Variants in UBAC2 observed in about 807,000 individuals in gnomAD.
The protein encoded by UBAC2 is ubiquitin-associated domain-containing protein 2.
Under a neutral mutation model 44.0 loss-of-function variants are expected in UBAC2, and 26 were observed. That is an observed-to-expected ratio of 0.59 (90% CI 0.43 to 0.82). UBAC2 has a LOEUF of 0.82. UBAC2 is among the 40% of genes least tolerant of loss of function. The probability of loss-of-function intolerance (pLI) is 0.00; values close to 1 mark genes in which losing one functional copy is unlikely to be tolerated. For missense variants in UBAC2, 329 were observed against 419.4 expected (o/e 0.78, Z 1.88); for synonymous variants, 155 against 154.3 (o/e 1.00, Z -0.04).
At chr13:99,290,474 C>T (rs2044075079) in intron 4 of UBAC2, among the ~76,000 whole-genome samples, 1 of 151,908 alleles carries the variant, frequency 6.6e-6, no homozygotes, top group Admixed American at 6.6e-5. Flanking sequence ...GCTTGTAATC[C>T]CAGCACTTTG....
At chr13:99,268,611 C>CAAA (rs756827927) in intron 4 of UBAC2, among the ~76,000 whole-genome samples, 1,868 of 75,434 alleles carry the variant, frequency 0.025, 151 homozygotes, top group African/African-American at 0.052. Flanking sequence ...GACTCTGTCT[C>CAAA]AAAAAAAAAA....
At chr13:99,227,286 G>A (rs181683545) in intron 1 of UBAC2, among the ~76,000 whole-genome samples, 13 of 152,026 alleles carry the variant, frequency 8.6e-5, no homozygotes, top group African/African-American at 2.7e-4. Context: ...TCAGGAACCC[G>A]AGACAAGGCT....
chr13:99,270,534 A>T (rs1464766500), intron 4 of UBAC2, among the ~76,000 whole-genome samples: 1 of 152,212 alleles, frequency 6.6e-6, no homozygotes, highest in Admixed American at 6.5e-5. Flanking sequence ...ACATTTCTAT[A>T]TCAATGTCCA....
intron 4 of UBAC2, among the ~76,000 whole-genome samples, chr13:99,291,429 C>A (rs1237324580): frequency 1.3e-5 from 2 of 152,040 alleles, no homozygotes; most frequent in Non-Finnish European, 2.9e-5. Flanking sequence ...ATTCTTCACC[C>A]AAATAGTCAG....
chr13:99,346,939 A>G (rs573374882), intron 7 of UBAC2, among the ~76,000 whole-genome samples: 1 of 152,276 alleles, frequency 6.6e-6, no homozygotes, highest in East Asian at 1.9e-4. Context: ...ATAGATACAG[A>G]AAGACTTTAA....
intron 4 of UBAC2, among the ~76,000 whole-genome samples, chr13:99,250,468 T>C (rs2043444512): frequency 6.6e-6 from 1 of 150,848 alleles, no homozygotes; most frequent in African/African-American, 2.4e-5. Context: ...TGTAGCCTTA[T>C]AATCTGAAGT....
chr13:99,296,068 A>T (rs1466441838), intron 4 of UBAC2: 5 of 1,614,072 alleles, frequency 3.1e-6, no homozygotes, highest in Non-Finnish European at 4.2e-6. Flanking sequence ...CCGTGCTGTG[A>T]TGTGCATAGA....
At chr13:99,282,533 A>G (rs772072027) in intron 4 of UBAC2, among the ~76,000 whole-genome samples, 10 of 152,226 alleles carry the variant, frequency 6.6e-5, no homozygotes, top group Non-Finnish European at 1.2e-4. Context: ...GAGTGTGTCA[A>G]AATTTCCAGT....
At chr13:99,206,802 A>C (rs1454485373) in intron 1 of UBAC2, among the ~76,000 whole-genome samples, 2 of 152,128 alleles carry the variant, frequency 1.3e-5, no homozygotes, top group African/African-American at 2.4e-5. Context: ...GCTCAAGGCT[A>C]TTCTCAGTCT....
chr13:99,227,564 G>A (rs2043124982), intron 1 of UBAC2, among the ~76,000 whole-genome samples: 1 of 152,254 alleles, frequency 6.6e-6, no homozygotes, highest in Non-Finnish European at 1.5e-5. Flanking sequence ...TTTGGGAAGA[G>A]ACGGGAAATA....
intron 1 of UBAC2, among the ~76,000 whole-genome samples, chr13:99,227,588 A>G (rs2043125260): frequency 6.6e-6 from 1 of 152,228 alleles, no homozygotes; most frequent in Non-Finnish European, 1.5e-5. Context: ...GGTGAATAAC[A>G]AAGCCACAGG....
chr13:99,226,683 G>A (rs1363188372), intron 1 of UBAC2, among the ~76,000 whole-genome samples: 2 of 152,170 alleles, frequency 1.3e-5, no homozygotes, highest in African/African-American at 2.4e-5. Flanking sequence ...CTTGTTTGAC[G>A]TTAGCTCCCT....
chr13:99,311,124 G>A (rs1371112011), intron 4 of UBAC2, among the ~76,000 whole-genome samples: 2 of 152,194 alleles, frequency 1.3e-5, no homozygotes, highest in African/African-American at 4.8e-5. Context: ...CTCTATGCCA[G>A]GCACAATTCT....
chr13:99,303,413 A>G (rs1272553554), intron 4 of UBAC2, among the ~76,000 whole-genome samples: 3 of 152,190 alleles, frequency 2.0e-5, no homozygotes, highest in Non-Finnish European at 1.5e-5. Flanking sequence ...CACATATTCT[A>G]GTTATTTTCT....
intron 8 of UBAC2, among the ~76,000 whole-genome samples, chr13:99,382,560 T>C (rs1303334511): frequency 6.6e-6 from 1 of 152,162 alleles, no homozygotes; most frequent in Non-Finnish European, 1.5e-5. Flanking sequence ...TCACACTCAG[T>C]TCTGGGCGCG....
chr13:99,230,822 G>T (rs980447859), intron 1 of UBAC2, among the ~76,000 whole-genome samples: 2 of 152,118 alleles, frequency 1.3e-5, no homozygotes, highest in African/African-American at 2.4e-5. Context: ...AGGCCGAGGC[G>T]GGTGGATCAT....
intron 8 of UBAC2, among the ~76,000 whole-genome samples, chr13:99,374,637 T>C (rs1367714348): frequency 6.6e-6 from 1 of 152,184 alleles, no homozygotes; most frequent in Non-Finnish European, 1.5e-5. Context: ...TACCACTGTC[T>C]CCAGAAAACC....
Position 99,312,434 on chromosome 13 carries a change from A to T in UBAC2, c.390-1663A>T, listed in dbSNP as rs189516387. 3.3e-5 allele frequency among the ~76,000 whole-genome samples: 5 copies of T among 152,322 alleles called. No individual in the cohort carries two copies. The East Asian group carries it at 7.7e-4, about 24-fold the overall frequency. On this transcript the variant is annotated intron_variant, in intron 4 of 8. Transcript: ENST00000403766. ...AGCTTGTGCCCAAACCACTCTACTC[A>T]TTCATATTACCTGCCTAGCACTTGT...
chr13:99,262,710 C>CAAAAAAAAAAAAAAAAAAAAAA (rs61627160), intron 4 of UBAC2, among the ~76,000 whole-genome samples: 2 of 57,158 alleles, frequency 3.5e-5, no homozygotes, highest in Non-Finnish European at 6.3e-5. Context: ...AACTCCCTCT[C>CAAAAAAAAAAAAAAAAAAAAAA]AAAAAAAAAA....
Sources: allele counts gnomAD v4.1 joint callset (sites outside exome capture counted in the v4.1 genomes callset), GRCh38; gene constraint gnomAD v4.1.1; transcripts MANE v1.5; gene names NCBI Gene and HGNC (gene_info 2026-07-23, HGNC 2026-07-21).